The following NSFL1C variants were observed in gnomAD, a reference collection of about 807,000 sequenced individuals.
NSFL1C encodes the protein NSFL1 cofactor p47.
In NSFL1C, 14 loss-of-function variants were observed where a neutral mutation model predicts 43.1. The ratio of observed to expected loss-of-function variants is 0.32; its 90% CI spans 0.21 to 0.51. NSFL1C has a LOEUF of 0.51. Among genes scored for constraint, NSFL1C ranks in the 20% least tolerant of loss-of-function variants. NSFL1C has a pLI of 0.98. For synonymous variants in NSFL1C, 171 were observed against 183.5 expected (o/e 0.93, Z 0.55); for missense variants, 406 against 472.5 (o/e 0.86, Z 1.30).
intron 5 of NSFL1C, among the ~76,000 whole-genome samples, chr20:1,453,719 A>G (rs2090232848): frequency 6.6e-6 from 1 of 152,210 alleles, no homozygotes. Flanking sequence ...CAAGACTACA[A>G]GAAGATGTTT....
In NSFL1C at chr20:1,445,797, T is replaced by G; in HGVS notation, c.819A>C (p.Pro273=). Residue 273 remains proline, a synonymous_variant, in exon 8 of 9, where the codon CCA becomes CCC. Transcript: ENST00000216879. ...TAPQVLSTSS[P]AQQAENEAKA... Reference sequence around the variant, plus strand: ...TGGCTTCATTTTCTGCCTGTTGGGCTGGAGAGCTGGTACTCAACACCTGGG... The same window carrying G: ...TGGCTTCATTTTCTGCCTGTTGGGCGGGAGAGCTGGTACTCAACACCTGGG... 6.2e-7 allele frequency: 1 copy of G among 1,614,036 alleles called. No individual in the cohort carries two copies.
chr20:1,456,238 T>G (rs2090297422), intron 3 of NSFL1C: 2 of 154,062 alleles, frequency 1.3e-5, no homozygotes, highest in Non-Finnish European at 2.9e-5. Flanking sequence ...AAGCGGAATG[T>G]GAAATAAAGG....
chr20:1,461,013 C>G (rs2090399276), intron 2 of NSFL1C, among the ~76,000 whole-genome samples: 1 of 152,202 alleles, frequency 6.6e-6, no homozygotes. Flanking sequence ...TCTGTGGTAA[C>G]AGCAGCTGTA....
At chr20:1,461,334 T>A (rs2090407602) in intron 2 of NSFL1C, among the ~76,000 whole-genome samples, 1 of 152,200 alleles carries the variant, frequency 6.6e-6, no homozygotes, top group Admixed American at 6.5e-5. Context: ...AACAGAATTA[T>A]GGCGTGCAGC....
intron 3 of NSFL1C, chr20:1,456,057 C>G (rs1160999328): frequency 1.3e-5 from 4 of 296,466 alleles, no homozygotes; most frequent in Non-Finnish European, 2.6e-5. Context: ...CTATTCAGAG[C>G]TAAGTCAACA....
chr20:1,453,069 G>A lies in NSFL1C; in HGVS notation c.609C>T (p.Asp203=), dbSNP rs2090217981. The A allele has an allele frequency of 1.9e-6, 3 of 1,613,278 alleles. No individual in the cohort carries two copies. Among genetic ancestry groups the A allele is most frequent in the African/African-American group, 1.3e-5 (1 of 74,894 alleles). Residue 203 remains aspartate, a synonymous_variant, in exon 6 of 9, where the codon GAC becomes GAT. Coordinates refer to ENST00000216879, the MANE Select transcript of NSFL1C (RefSeq NM_016143.5). ...LDNGELRSYQ[D]PSNAQFLESI... ...ACTCCAGAAACTGGGCATTGGATGG[G>A]TCTTGGTAGCTTCTGAGTTCTCCAT...
chr20:1,457,673 A>G (rs2090330361), intron 3 of NSFL1C, among the ~76,000 whole-genome samples: 1 of 152,116 alleles, frequency 6.6e-6, no homozygotes, highest in Admixed American at 6.5e-5. Flanking sequence ...TCCACACGAG[A>G]GCATGCTTTA....
chr20:1,457,758 TTCTTTTTA>T (rs1258015154), intron 3 of NSFL1C, among the ~76,000 whole-genome samples: 2 of 152,352 alleles, frequency 1.3e-5, no homozygotes, highest in Admixed American at 1.3e-4. Flanking sequence ...GACAATTTCC[TTCTTTTTA>T]AAGACTGAGT....
rs181680077 is a variant in NSFL1C, at chr20:1,451,335, C to T, written c.785+1158G>A. ...ATTCCAGGAGAGGGCCAGCCAGAAGCTCAGAGGGCATGGTTGTTGGAAGAC... is the reference window on the plus strand; with the variant it reads ...ATTCCAGGAGAGGGCCAGCCAGAAGTTCAGAGGGCATGGTTGTTGGAAGAC... On this transcript the variant is annotated intron_variant, in intron 7 of 8. Coordinates refer to ENST00000216879, the MANE Select transcript of NSFL1C (RefSeq NM_016143.5). Among the ~76,000 whole-genome samples, 14 of 152,308 alleles carry T rather than the reference C, an allele frequency of 9.2e-5. No homozygotes were observed. In the East Asian group the frequency reaches 2.5e-3, roughly 27 times the overall value.
rs535131890 is a variant in NSFL1C, at chr20:1,453,238, C to A, written c.538-98G>T. On this transcript the variant is annotated intron_variant, in intron 5 of 8. Transcript: ENST00000216879. Reference sequence around the variant, plus strand: ...TTTTTACTATTTCTCAGTGTTGCTACTATTAAAACACACATAGAGACACAC... The same window carrying A: ...TTTTTACTATTTCTCAGTGTTGCTAATATTAAAACACACATAGAGACACAC... The A allele has an allele frequency of 2.7e-5, 20 of 728,014 alleles. No individual in the cohort carries two copies. In the South Asian group the frequency reaches 3.0e-4, roughly 11 times the overall value. The allele number at this position is 728,014 out of a possible 1,614,324, so 45.1% of individuals were successfully genotyped here.
At chr20:1,445,516 T>G (rs1028554959) in intron 8 of NSFL1C, 150 bp downstream of exon 8, 2 of 842,414 alleles carry the variant, frequency 2.4e-6, no homozygotes, top group Non-Finnish European at 3.8e-6. Context: ...GCTTCAGACT[T>G]GTAGTCCTTA....
At chr20:1,444,747 C>A (rs1021589529) in intron 8 of NSFL1C, among the ~76,000 whole-genome samples, 1 of 152,208 alleles carries the variant, frequency 6.6e-6, no homozygotes, top group Admixed American at 6.5e-5. Flanking sequence ...TGGGAATGGG[C>A]AGCAGTGTGC....
At chr20:1,452,403 G>T in intron 7 of NSFL1C, 90 bp downstream of exon 7, 2 of 1,492,414 alleles carry the variant, frequency 1.3e-6, no homozygotes, top group Non-Finnish European at 1.8e-6. Context: ...ACAGTAAAGA[G>T]CTAATAACCA....
intron 7 of NSFL1C, among the ~76,000 whole-genome samples, chr20:1,448,787 C>T (rs1390349185): frequency 6.6e-6 from 1 of 152,138 alleles, no homozygotes; most frequent in African/African-American, 2.4e-5. Flanking sequence ...GCAACTTGCC[C>T]AAAATCCCAG....
rs1457132377 is a variant in NSFL1C at position 1,442,699 on chromosome 20, G to A, written c.*1050C>T. ...AGTCAGCAGGTCAAAGAACAAGTGT[G>A]AAGCAGAACCTGCTAAGCAAAGCCA... is the stretch of plus-strand genomic sequence containing the variant. On this transcript the variant is annotated 3_prime_UTR_variant, in exon 9 of 9. Transcript: ENST00000216879. The A allele has an allele frequency of 1.1e-4, 16 of 152,226 alleles. No individual in the cohort carries two copies. Among genetic ancestry groups the A allele is most frequent in the Admixed American group, 1.0e-3 (16 of 15,286 alleles). 9.4% of individuals were successfully genotyped at this position (152,226 alleles called of 1,614,324 possible). A position where few individuals can be genotyped will look rare whatever the true frequency, so the allele number is the denominator to read the frequency against.
chr20:1,455,636 G>A (rs770590602), intron 3 of NSFL1C: 34 of 779,048 alleles, frequency 4.4e-5, no homozygotes, highest in South Asian at 2.5e-4. Context: ...TGTATGTCCT[G>A]GGTAAGCCAG....
chr20:1,461,301 T>C (rs147325306), intron 2 of NSFL1C, among the ~76,000 whole-genome samples: 193 of 152,244 alleles, frequency 1.3e-3, no homozygotes, highest in Non-Finnish European at 1.7e-3. Flanking sequence ...GAAGGAGTGA[T>C]AGTTGTGACT....
rs370928933 is a variant in NSFL1C at position 1,443,961 on chromosome 20, C to T, written c.951-50G>A. ...GCAGTGCCATCCTCTGCTGTCCATA[C>T]CCCTGCCCTGTGGAAAGCTAAACAC... On this transcript the variant is annotated intron_variant, in intron 8 of 8. Transcript: ENST00000216879. The T allele has an allele frequency of 1.7e-5, 27 of 1,560,866 alleles. No individual in the cohort carries two copies. In the African/African-American group the frequency reaches 3.1e-4, roughly 18 times the overall value.
chr20:1,450,807 T>G (rs575545795), intron 7 of NSFL1C, among the ~76,000 whole-genome samples: 1 of 152,236 alleles, frequency 6.6e-6, no homozygotes, highest in Admixed American at 6.5e-5. Flanking sequence ...GCTGCCTAAA[T>G]GTTTAACAGC....
Sources: allele counts gnomAD v4.1 joint callset (sites outside exome capture counted in the v4.1 genomes callset), GRCh38; gene constraint gnomAD v4.1.1; transcripts MANE v1.5; gene names NCBI Gene and HGNC (gene_info 2026-07-23, HGNC 2026-07-21).